Variants in APBB2 observed in about 807,000 individuals in gnomAD.
APBB2 encodes amyloid beta precursor protein binding family B member 2, also known as Fe65-like 1.
Under a neutral mutation model 82.5 loss-of-function variants are expected in APBB2, and 38 were observed. The ratio of observed to expected loss-of-function variants is 0.46; its 90% CI spans 0.36 to 0.60. The LOEUF is 0.60. APBB2 is among the 20% of genes least tolerant of loss of function. The pLI, the probability that APBB2 is intolerant of heterozygous loss-of-function variation, is 0.00. For missense variants in APBB2, 772 were observed against 972.3 expected (o/e 0.79, Z 2.74); for synonymous variants, 341 against 368.2 (o/e 0.93, Z 0.85).
intron 1 of APBB2, among the ~76,000 whole-genome samples, chr4:41,184,432 T>C (rs1772309566): frequency 6.6e-6 from 1 of 152,146 alleles, no homozygotes; most frequent in South Asian, 2.1e-4. Context: ...CCCCTTATTG[T>C]TCCTCCAACA....
chr4:41,111,639 T>G (rs547644467), intron 2 of APBB2, among the ~76,000 whole-genome samples: 23 of 152,318 alleles, frequency 1.5e-4, no homozygotes, highest in Admixed American at 1.4e-3. Flanking sequence ...AATAAAAATT[T>G]TAAATGCTCT....
At chr4:41,140,791 T>C (rs1157303291) in intron 2 of APBB2, among the ~76,000 whole-genome samples, 1 of 152,190 alleles carries the variant, frequency 6.6e-6, no homozygotes, top group Non-Finnish European at 1.5e-5. Flanking sequence ...GAACTGCACG[T>C]GCCAGGGATC....
At chr4:41,143,876 C>A (rs1446910469) in intron 1 of APBB2, among the ~76,000 whole-genome samples, 2 of 152,174 alleles carry the variant, frequency 1.3e-5, no homozygotes, top group Non-Finnish European at 2.9e-5. Context: ...CAAAAGGAAT[C>A]CCTTAACTAT....
chr4:40,983,665 C>A (rs1239824278), intron 6 of APBB2, among the ~76,000 whole-genome samples: 1 of 152,030 alleles, frequency 6.6e-6, no homozygotes, highest in African/African-American at 2.4e-5. Context: ...GCAACCTCAA[C>A]ATCCTGCATT....
chr4:40,887,617 T>C (rs1024880388), intron 12 of APBB2, among the ~76,000 whole-genome samples: 3 of 152,154 alleles, frequency 2.0e-5, no homozygotes, highest in Admixed American at 6.5e-5. Context: ...TTCTGGGGAA[T>C]GGAAACTCAG....
chr4:41,088,790 G>T (rs746827562), intron 3 of APBB2, among the ~76,000 whole-genome samples: 36 of 152,102 alleles, frequency 2.4e-4, no homozygotes, highest in Non-Finnish European at 4.1e-4. Flanking sequence ...ATCTTCTCTA[G>T]GGAATTAAGG....
chr4:40,836,322 C>T (rs758592489), intron 12 of APBB2, among the ~76,000 whole-genome samples: 19 of 152,052 alleles, frequency 1.2e-4, no homozygotes, highest in Non-Finnish European at 2.5e-4. Flanking sequence ...ACTAAAAATA[C>T]AAAAATTAGG....
chr4:41,019,146 G>A (rs1249671053), intron 5 of APBB2, among the ~76,000 whole-genome samples: 1 of 152,198 alleles, frequency 6.6e-6, no homozygotes, highest in Non-Finnish European at 1.5e-5. Flanking sequence ...AGTTGGGGGA[G>A]ACAGGACAGT....
chr4:40,830,299 C>T (rs1751438377), intron 13 of APBB2, among the ~76,000 whole-genome samples, 164 bp downstream of exon 13: 1 of 150,804 alleles, frequency 6.6e-6, no homozygotes, highest in African/African-American at 2.4e-5. Flanking sequence ...AGAGCGATGC[C>T]TGGCCCGCAG....
chr4:41,068,676 T>C (rs2153897558), intron 3 of APBB2, among the ~76,000 whole-genome samples: 1 of 152,294 alleles, frequency 6.6e-6, no homozygotes, highest in East Asian at 1.9e-4. Context: ...AAAATACTAT[T>C]ATAAGCAAAA....
chr4:40,928,777 C>T (rs1484105805), intron 10 of APBB2, among the ~76,000 whole-genome samples: 1 of 149,500 alleles, frequency 6.7e-6, no homozygotes, highest in Non-Finnish European at 1.5e-5. Flanking sequence ...CCCAGCTACT[C>T]GGCAGGCAGG....
At chr4:40,920,802 C>T (rs1286729731) in intron 10 of APBB2, among the ~76,000 whole-genome samples, 4 of 150,856 alleles carry the variant, frequency 2.7e-5, no homozygotes, top group East Asian at 1.9e-4. Flanking sequence ...ATCTGGGAGG[C>T]GGTGGTTGCT....
intron 15 of APBB2, 106 bp downstream of exon 15, chr4:40,825,781 C>G (rs1560616792): frequency 2.4e-6 from 2 of 821,830 alleles, no homozygotes; most frequent in Non-Finnish European, 4.2e-6. Context: ...TGATTCAAGA[C>G]AAGGCGTGAG....
intron 12 of APBB2, among the ~76,000 whole-genome samples, chr4:40,867,235 G>A (rs767547585): frequency 2.6e-5 from 4 of 152,182 alleles, no homozygotes; most frequent in Non-Finnish European, 4.4e-5. Context: ...GTCTTTTGCA[G>A]AAAAAGTCGA....
At chr4:41,148,490 T>C (rs1364409082) in intron 1 of APBB2, among the ~76,000 whole-genome samples, 1 of 152,206 alleles carries the variant, frequency 6.6e-6, no homozygotes, top group Non-Finnish European at 1.5e-5. Context: ...ACTATATTCA[T>C]CCAACAAATA....
intron 12 of APBB2, among the ~76,000 whole-genome samples, chr4:40,857,949 A>G (rs1161610106): frequency 6.6e-6 from 1 of 152,178 alleles, no homozygotes; most frequent in African/African-American, 2.4e-5. Flanking sequence ...TTCTGAATCG[A>G]GCTGGAAAGT....
At chr4:41,018,379 G>A (rs2154432064) in intron 5 of APBB2, among the ~76,000 whole-genome samples, 1 of 152,330 alleles carries the variant, frequency 6.6e-6, no homozygotes, top group Admixed American at 6.5e-5. Flanking sequence ...AGAGGAATAA[G>A]TGGGCTACTC....
In APBB2 at chr4:41,014,217, C is replaced by T. The variant is rs1331078623; in HGVS notation, c.201G>A (p.Arg67=). Residue 67 remains arginine, a synonymous_variant, in exon 6 of 18, where the codon AGG becomes AGA. Transcript: ENST00000508593. Reference sequence around the variant, plus strand: ...GGATGTTAGTTAGTGCATATTTTTTCCTGCATTTGGGAGGTGTGCTGTTCT... The same window carrying T: ...GGATGTTAGTTAGTGCATATTTTTTTCTGCATTTGGGAGGTGTGCTGTTCT... The part of the protein sequence containing the change: ...ETKNSTPPKC[R]KKYALTNIQA... The T allele has an allele frequency of 1.2e-6, 2 of 1,614,170 alleles. No homozygotes were observed. Among genetic ancestry groups the T allele is most frequent in the Non-Finnish European group, 1.7e-6 (2 of 1,180,032 alleles).
intron 5 of APBB2, among the ~76,000 whole-genome samples, chr4:41,030,995 C>A (rs1467024612): frequency 6.6e-6 from 1 of 152,068 alleles, no homozygotes; most frequent in Non-Finnish European, 1.5e-5. Flanking sequence ...GAGGCCGAGG[C>A]GGGCAGATCA....
Sources: gnomAD v4.1 joint callset for allele counts (sites outside exome capture counted in the v4.1 genomes callset) on GRCh38, gnomAD v4.1.1 for gene constraint, MANE v1.5 for transcripts, NCBI Gene and HGNC (gene_info 2026-07-23, HGNC 2026-07-21) for gene names.